Variants in AIM2 observed in about 807,000 individuals in gnomAD.
AIM2 encodes interferon-inducible protein AIM2.
AIM2 carries 30 observed loss-of-function variants against 27.7 expected under a neutral mutation model. The ratio of observed to expected loss-of-function variants is 1.08; its 90% CI spans 0.81 to 1.47. The LOEUF (loss-of-function observed/expected upper bound fraction) is 1.47. AIM2 is among the 40% of genes most tolerant of loss of function. AIM2 has a pLI of 0.00. For missense variants in AIM2, 358 were observed against 411.3 expected (o/e 0.87, Z 1.12); for synonymous variants, 141 against 145.3 (o/e 0.97, Z 0.21).
At chr1:159,071,353 A>G (rs1656356029) in intron 2 of AIM2, among the ~76,000 whole-genome samples, 1 of 152,268 alleles carries the variant, frequency 6.6e-6, no homozygotes, top group Non-Finnish European at 1.5e-5. Flanking sequence ...AAAAAATAAA[A>G]CAAAAACTGT....
chr1:159,104,745 T>C (rs996871759), intron 1 of AIM2, among the ~76,000 whole-genome samples: 3 of 152,248 alleles, frequency 2.0e-5, no homozygotes, highest in African/African-American at 7.2e-5. Context: ...ATTACACATG[T>C]GCTTGCATTA....
chr1:159,145,086 T>C (rs2102062943), upstream of AIM2, among the ~76,000 whole-genome samples: 1 of 152,248 alleles, frequency 6.6e-6, no homozygotes, highest in African/African-American at 2.4e-5. Context: ...TCCCTCTTAC[T>C]ATCTCACCCC....
chr1:159,058,819 G>A (rs1200040307), downstream of AIM2, among the ~76,000 whole-genome samples: 2 of 152,128 alleles, frequency 1.3e-5, no homozygotes, highest in East Asian at 3.9e-4. Flanking sequence ...GGAGGGCAGG[G>A]TTTTTTGGGT....
chr1:159,070,001 T>C (rs907247051), intron 2 of AIM2, among the ~76,000 whole-genome samples: 15 of 152,282 alleles, frequency 9.9e-5, no homozygotes, highest in African/African-American at 3.6e-4. Context: ...CACACAGTGT[T>C]CCCTCTGACT....
intron 1 of AIM2, among the ~76,000 whole-genome samples, chr1:159,084,915 T>C (rs2102003168): frequency 6.6e-6 from 1 of 151,984 alleles, no homozygotes; most frequent in South Asian, 2.1e-4. Flanking sequence ...AAAATGTGTT[T>C]CCCACACCTT....
At chr1:159,077,179 C>G (rs1028905723), upstream of AIM2, among the ~76,000 whole-genome samples, 3 of 152,100 alleles carry the variant, frequency 2.0e-5, no homozygotes, top group African/African-American at 7.2e-5. Flanking sequence ...TGGAGCAAAA[C>G]CAACGACACC....
chr1:159,106,039 T>A (rs979483750), intron 1 of AIM2, among the ~76,000 whole-genome samples: 26 of 152,276 alleles, frequency 1.7e-4, no homozygotes, highest in African/African-American at 6.0e-4. Flanking sequence ...GTCATGACAG[T>A]GCCTGGGCTC....
chr1:159,060,711 T>G (rs549239398), downstream of AIM2, among the ~76,000 whole-genome samples: 62 of 151,810 alleles, frequency 4.1e-4, no homozygotes, highest in African/African-American at 1.5e-3. Context: ...CATGTAGATG[T>G]GGGTGTCAGT....
intron 1 of AIM2, among the ~76,000 whole-genome samples, chr1:159,121,232 C>G (rs767198289): frequency 7.9e-5 from 12 of 152,138 alleles, no homozygotes; most frequent in Non-Finnish European, 1.3e-4. Flanking sequence ...ATTGAGGGAG[C>G]CCTCAAAAAC....
At chr1:159,062,867 G>T in intron 5 of AIM2, 149 bp from the exon 6 acceptor site, 1 of 742,798 alleles carries the variant, frequency 1.3e-6, no homozygotes, top group Non-Finnish European at 2.3e-6. Context: ...GGTCTGCCTT[G>T]GATCATACTC....
At chr1:159,088,193 T>C (rs1656961347) in intron 1 of AIM2, among the ~76,000 whole-genome samples, 1 of 152,172 alleles carries the variant, frequency 6.6e-6, no homozygotes, top group African/African-American at 2.4e-5. Flanking sequence ...CTGAACTGCC[T>C]CTGGAAAATG....
chr1:159,056,630 AAAC>A, the AIM2 span, among the ~76,000 whole-genome samples: 1 of 150,906 alleles, frequency 6.6e-6, no homozygotes, highest in African/African-American at 2.4e-5. Flanking sequence ...ACATGTATCT[AAAC>A]AAGGGGAGGG....
chr1:159,073,654 A>G (rs1656472080), intron 1 of AIM2, 135 bp from the exon 2 acceptor site: 1 of 858,894 alleles, frequency 1.2e-6, no homozygotes, highest in East Asian at 2.7e-5. Context: ...TGAGTAGGAC[A>G]TAGGTAAGAA....
upstream of AIM2, among the ~76,000 whole-genome samples, chr1:159,145,045 C>A (rs185433979): frequency 1.6e-3 from 241 of 152,222 alleles, no homozygotes; most frequent in African/African-American, 5.5e-3. Flanking sequence ...TTACCATATA[C>A]CATCTTCTCA....
chr1:159,122,561 T>C lies in AIM2; in HGVS notation c.-16+17870A>G, dbSNP rs1042805591. 5.9e-5 allele frequency among the ~76,000 whole-genome samples: 9 copies of C among 152,258 alleles called. No homozygotes were observed. The South Asian group carries it at 6.2e-4, about 11-fold the overall frequency. ...GTAAAGTTAGCTGTCCAGACCACGA[T>C]TGCTCTAGGAGGATTACTTGGGACA... On this transcript the variant is annotated intron_variant, in intron 1 of 2. Coordinates refer to the AIM2 transcript ENST00000368129.
chr1:159,068,956 T>C (rs1278040939), intron 2 of AIM2, among the ~76,000 whole-genome samples: 3 of 152,120 alleles, frequency 2.0e-5, no homozygotes, highest in African/African-American at 4.8e-5. Context: ...TTAGTCAACA[T>C]AGGGAGACCC....
In AIM2 at chr1:159,075,609, T is replaced by TAG. The variant is rs1280607292; in HGVS notation, c.-21+1023_-21+1024insCT. On this transcript the variant is annotated intron_variant, in intron 1 of 5. Transcript: ENST00000368130. ...TGGCTATACCTGCTATATATATATA[T>TAG]ATAGAGAGAGAGAGAGAGAGAGAGA... 1.6e-3 allele frequency among the ~76,000 whole-genome samples: 237 copies of TAG among 146,966 alleles called. 2 individuals carry two copies. Among genetic ancestry groups the TAG allele is most frequent in the Middle Eastern group, 3.4e-3 (1 of 290 alleles).
chr1:159,135,518 C>A (rs1460437321), intron 1 of AIM2, among the ~76,000 whole-genome samples: 1 of 152,086 alleles, frequency 6.6e-6, no homozygotes, highest in Admixed American at 6.6e-5. Flanking sequence ...CACTTGAGGC[C>A]CGGCTTCCTG....
upstream of AIM2, among the ~76,000 whole-genome samples, chr1:159,077,814 T>C (rs1187239372): frequency 1.4e-4 from 21 of 152,176 alleles, no homozygotes; most frequent in Admixed American, 1.2e-3. Context: ...TTCTTATTCA[T>C]TGAATTAACA....
Sources: allele counts gnomAD v4.1 joint callset (sites outside exome capture counted in the v4.1 genomes callset), GRCh38; gene constraint gnomAD v4.1.1; transcripts MANE v1.5; gene names NCBI Gene and HGNC (gene_info 2026-07-23, HGNC 2026-07-21).